The following COMMD1 variants were observed in gnomAD, a reference collection of about 807,000 sequenced individuals.
The protein encoded by COMMD1 is copper metabolism domain containing 1.
A neutral mutation model predicts 17.2 loss-of-function variants in COMMD1; 10 were observed. That is an observed-to-expected ratio of 0.58 (90% CI 0.36 to 0.99). COMMD1 has a LOEUF of 0.99. Among genes scored for constraint, COMMD1 ranks in the 50% least tolerant of loss-of-function variants. The probability of loss-of-function intolerance (pLI) is 0.01; values close to 1 mark genes in which losing one functional copy is unlikely to be tolerated. For missense variants in COMMD1, 270 were observed against 231.8 expected (o/e 1.17, Z -1.07); for synonymous variants, 97 against 91.6 (o/e 1.06, Z -0.34).
At chr2:61,910,554 G>A (rs1435745150) in intron 1 of COMMD1, among the ~76,000 whole-genome samples, 1 of 152,026 alleles carries the variant, frequency 6.6e-6, no homozygotes, top group Non-Finnish European at 1.5e-5. Flanking sequence ...GCCCAACACT[G>A]CTATTTTAAT....
At chr2:61,922,793 A>G (rs1326845417) in intron 1 of COMMD1, among the ~76,000 whole-genome samples, 1 of 152,232 alleles carries the variant, frequency 6.6e-6, no homozygotes, top group Non-Finnish European at 1.5e-5. Flanking sequence ...TTGTATATCC[A>G]GTATTTAGGA....
chr2:62,001,110 C>A, intron 2 of COMMD1, 128 bp downstream of exon 2: 1 of 954,954 alleles, frequency 1.0e-6, no homozygotes. Context: ...AATCCTTTTT[C>A]AGAGGTAGAA....
At chr2:62,048,431 G>A (rs908840779) in intron 2 of COMMD1, among the ~76,000 whole-genome samples, 6 of 151,632 alleles carry the variant, frequency 4.0e-5, no homozygotes, top group Non-Finnish European at 5.9e-5. Flanking sequence ...CTCGTGATCC[G>A]CCCGCCTCGC....
chr2:62,026,849 A>G (rs532836550), intron 2 of COMMD1, among the ~76,000 whole-genome samples: 9 of 152,170 alleles, frequency 5.9e-5, no homozygotes, highest in Non-Finnish European at 1.3e-4. Context: ...TAAAGATAAT[A>G]TATATTATGT....
intron 2 of COMMD1, among the ~76,000 whole-genome samples, chr2:62,106,786 A>G (rs1440352207): frequency 1.3e-5 from 2 of 152,226 alleles, no homozygotes; most frequent in African/African-American, 4.8e-5. Context: ...AGGAGAAAAG[A>G]AAAAAATTGG....
chr2:61,946,750 G>A (rs1558531646), intron 1 of COMMD1, among the ~76,000 whole-genome samples: 1 of 151,954 alleles, frequency 6.6e-6, no homozygotes, highest in African/African-American at 2.4e-5. Flanking sequence ...TAAAATACTA[G>A]TTTTTTTCTC....
At chr2:62,106,409 T>C (rs1034473733) in intron 2 of COMMD1, among the ~76,000 whole-genome samples, 1 of 152,210 alleles carries the variant, frequency 6.6e-6, no homozygotes, top group African/African-American at 2.4e-5. Context: ...GCAAAAGATA[T>C]GTATCTTTGT....
chr2:61,971,655 C>T (rs1214893437), intron 1 of COMMD1, among the ~76,000 whole-genome samples: 1 of 152,126 alleles, frequency 6.6e-6, no homozygotes, highest in East Asian at 1.9e-4. Context: ...AACTCCTGGG[C>T]TCAAGTGATC....
intron 2 of COMMD1, among the ~76,000 whole-genome samples, chr2:62,093,486 C>T (rs1971521): frequency 5.3e-5 from 8 of 152,096 alleles, no homozygotes; most frequent in Admixed American, 4.6e-4. Flanking sequence ...TTTTGTTAGA[C>T]CCTATCCATA....
At chr2:61,981,485 C>T (rs1164532879) in intron 1 of COMMD1, among the ~76,000 whole-genome samples, 1 of 152,154 alleles carries the variant, frequency 6.6e-6, no homozygotes, top group Non-Finnish European at 1.5e-5. Context: ...GTTCTCTATT[C>T]TGTTCCACTG....
chr2:62,119,670 A>G (rs1438058182), intron 2 of COMMD1, among the ~76,000 whole-genome samples: 1 of 152,210 alleles, frequency 6.6e-6, no homozygotes, highest in Non-Finnish European at 1.5e-5. Context: ...GTTAACTTAG[A>G]GAAACCACAT....
intron 1 of COMMD1, among the ~76,000 whole-genome samples, chr2:61,923,767 T>A (rs1670255785): frequency 6.6e-6 from 1 of 152,076 alleles, no homozygotes; most frequent in South Asian, 2.1e-4. Flanking sequence ...TAGAAAGAGT[T>A]TTTTTGTTTG....
intron 2 of COMMD1, among the ~76,000 whole-genome samples, chr2:62,076,233 G>A (rs1671333541): frequency 6.6e-6 from 1 of 150,456 alleles, no homozygotes; most frequent in African/African-American, 2.5e-5. Flanking sequence ...ATTCCTGTTG[G>A]AGGAAAAGAG....
At chr2:62,068,620 C>CTTTTTT (rs67517468) in intron 2 of COMMD1, among the ~76,000 whole-genome samples, 9 of 89,242 alleles carry the variant, frequency 1.0e-4, no homozygotes, top group Non-Finnish European at 1.5e-4. Context: ...GTAGTATAAT[C>CTTTTTT]TTTTTTTTTT....
At chr2:62,055,080 C>A (rs1201272022) in intron 2 of COMMD1, among the ~76,000 whole-genome samples, 1 of 152,164 alleles carries the variant, frequency 6.6e-6, no homozygotes, top group East Asian at 1.9e-4. Context: ...CTTGCATACT[C>A]ATATCAAAAC....
At chr2:61,925,133 T>C (rs1670295545) in intron 1 of COMMD1, among the ~76,000 whole-genome samples, 1 of 151,700 alleles carries the variant, frequency 6.6e-6, no homozygotes, top group Admixed American at 6.6e-5. Context: ...CTCTGGGTCT[T>C]TGGCAGGTTT....
intron 1 of COMMD1, among the ~76,000 whole-genome samples, chr2:61,906,198 C>T (rs1184881845): frequency 6.6e-6 from 1 of 152,126 alleles, no homozygotes; most frequent in African/African-American, 2.4e-5. Context: ...AGTTTTAGGT[C>T]GCTAGCTTTC....
chr2:61,966,378 C>T lies in COMMD1; in HGVS notation c.181-34323C>T, dbSNP rs58560369. Among the ~76,000 whole-genome samples the T allele has an allele frequency of 4.8e-3, 728 of 152,210 alleles. 3 individuals carry two copies. Among genetic ancestry groups the T allele is most frequent in the African/African-American group, 0.017 (690 of 41,526 alleles). On this transcript the variant is annotated intron_variant, in intron 1 of 2. Coordinates refer to ENST00000311832, the MANE Select transcript of COMMD1 (RefSeq NM_152516.4). Reference sequence around the variant, plus strand: ...TCTGTCCTTGGCCAGATTTTACTTACGAAACCAAATAAATTTCTTTTTTTT... The same window carrying T: ...TCTGTCCTTGGCCAGATTTTACTTATGAAACCAAATAAATTTCTTTTTTTT...
At chr2:62,014,226 T>G (rs1003771695) in intron 2 of COMMD1, among the ~76,000 whole-genome samples, 4 of 152,174 alleles carry the variant, frequency 2.6e-5, no homozygotes, top group African/African-American at 9.7e-5. Flanking sequence ...AGGCTGTCTG[T>G]TTCTATTCTT....
Sources: gnomAD v4.1 joint callset for allele counts (sites outside exome capture counted in the v4.1 genomes callset) on GRCh38, gnomAD v4.1.1 for gene constraint, MANE v1.5 for transcripts, NCBI Gene and HGNC (gene_info 2026-07-23, HGNC 2026-07-21) for gene names.